The following EPHA6 variants were observed in gnomAD, a reference collection of about 807,000 sequenced individuals.
The protein encoded by EPHA6 is ephrin type-A receptor 6.
Under a neutral mutation model 112.0 loss-of-function variants are expected in EPHA6, and 50 were observed. That is an observed-to-expected ratio of 0.45 (90% CI 0.36 to 0.56). The LOEUF is 0.56. Among genes scored for constraint, EPHA6 ranks in the 20% least tolerant of loss-of-function variants. EPHA6 has a pLI of 0.00. For synonymous variants in EPHA6, 529 were observed against 490.7 expected, an observed-to-expected ratio of 1.08 and a Z score of -1.03; for missense variants, 1,280 against 1,417.4, an observed-to-expected ratio of 0.90 and a Z score of 1.56.
intron 2 of EPHA6, among the ~76,000 whole-genome samples, chr3:96,968,345 A>C (rs1466976341): frequency 6.6e-6 from 1 of 151,290 alleles, no homozygotes; most frequent in African/African-American, 2.4e-5. Flanking sequence ...GTAAACTTTA[A>C]ATTGGATTTA....
intron 5 of EPHA6, among the ~76,000 whole-genome samples, chr3:97,282,152 T>A (rs1373311426): frequency 4.6e-5 from 7 of 152,206 alleles, no homozygotes; most frequent in Non-Finnish European, 7.3e-5. Context: ...CCAGTTTTTT[T>A]ATCAAGCTTT....
chr3:97,684,631 C>T (rs2032112445), intron 14 of EPHA6, among the ~76,000 whole-genome samples: 4 of 152,130 alleles, frequency 2.6e-5, no homozygotes, highest in Admixed American at 2.6e-4. Context: ...AAACACCCAT[C>T]TGCCCTCCAT....
At chr3:96,904,030 A>G (rs1210823272) in intron 2 of EPHA6, among the ~76,000 whole-genome samples, 2 of 152,164 alleles carry the variant, frequency 1.3e-5, no homozygotes, top group Non-Finnish European at 2.9e-5. Context: ...TAGTTCAACC[A>G]TTGTGGAAGT....
intron 11 of EPHA6, 126 bp from the exon 12 acceptor site, chr3:97,592,486 C>T: frequency 8.7e-7 from 1 of 1,149,176 alleles, no homozygotes; most frequent in Middle Eastern, 2.9e-4. Flanking sequence ...CATTCCATCC[C>T]TTTAATTTTA....
intron 3 of EPHA6, among the ~76,000 whole-genome samples, chr3:97,022,917 T>C (rs9877851): frequency 0.16 from 25,023 of 152,012 alleles, 2,393 homozygotes; most frequent in Non-Finnish European, 0.22. Context: ...ACAGCAGCAT[T>C]ATTTACATCC....
intron 14 of EPHA6, among the ~76,000 whole-genome samples, chr3:97,692,966 G>T (rs1038435268): frequency 6.6e-6 from 1 of 152,140 alleles, no homozygotes; most frequent in Non-Finnish European, 1.5e-5. Context: ...AATATTATTA[G>T]CATTTCTTAG....
At chr3:97,155,582 G>T (rs973528257) in intron 3 of EPHA6, among the ~76,000 whole-genome samples, 6 of 152,118 alleles carry the variant, frequency 3.9e-5, no homozygotes, top group African/African-American at 1.4e-4. Context: ...TGACATCATT[G>T]TTCTGAGTTT....
intron 6 of EPHA6, among the ~76,000 whole-genome samples, chr3:97,441,144 T>C (rs2090117350): frequency 6.6e-6 from 1 of 151,822 alleles, no homozygotes; most frequent in Non-Finnish European, 1.5e-5. Context: ...CCAAATATCG[T>C]GAGATTGAAA....
rs1481760218 is a variant in EPHA6 at position 97,010,313 on chromosome 3, G to A, written c.1114+22320G>A. On this transcript the variant is annotated intron_variant, in intron 3 of 17. Coordinates refer to ENST00000389672, the MANE Select transcript of EPHA6 (RefSeq NM_001080448.3). ...ACCCCAACCCATTTTTATAAATAAA[G>A]TGTTTTGGAATACAGCCAAGTTATT... 9.9e-5 allele frequency among the ~76,000 whole-genome samples: 15 copies of A among 152,256 alleles called. No homozygotes were observed. The East Asian group carries it at 2.7e-3, about 27-fold the overall frequency.
At chr3:97,091,002 TGTATTTA>T (rs1446555757) in intron 3 of EPHA6, among the ~76,000 whole-genome samples, 2 of 152,082 alleles carry the variant, frequency 1.3e-5, no homozygotes, top group African/African-American at 4.8e-5. Context: ...ACATTTATAG[TGTATTTA>T]GCAGGTGCAG....
chr3:97,327,193 A>G (rs370949648), intron 5 of EPHA6, among the ~76,000 whole-genome samples: 3 of 152,054 alleles, frequency 2.0e-5, no homozygotes, highest in Non-Finnish European at 4.4e-5. Context: ...ATATAAAAGT[A>G]CTTTATAATG....
At chr3:97,196,429 T>C (rs1331402758) in intron 3 of EPHA6, among the ~76,000 whole-genome samples, 1 of 152,104 alleles carries the variant, frequency 6.6e-6, no homozygotes, top group Non-Finnish European at 1.5e-5. Flanking sequence ...AACAGCCATT[T>C]TGAATTGTCT....
At chr3:97,182,164 A>G (rs1026920618) in intron 3 of EPHA6, among the ~76,000 whole-genome samples, 4 of 151,888 alleles carry the variant, frequency 2.6e-5, no homozygotes, top group Admixed American at 2.0e-4. Flanking sequence ...TATTTTTCTC[A>G]TTCTGTCAGT....
chr3:97,144,127 G>T (rs1333147025), intron 3 of EPHA6, among the ~76,000 whole-genome samples: 3 of 151,620 alleles, frequency 2.0e-5, no homozygotes, highest in Non-Finnish European at 3.0e-5. Context: ...GGCTCTGTTT[G>T]TGAGGATCTT....
At chr3:97,174,759 A>G (rs902886424) in intron 3 of EPHA6, among the ~76,000 whole-genome samples, 8 of 151,706 alleles carry the variant, frequency 5.3e-5, no homozygotes, top group African/African-American at 1.9e-4. Context: ...TTTTTTTCCC[A>G]TAGAGTTGTT....
chr3:97,592,467 T>C (rs2107347668), intron 11 of EPHA6, 145 bp from the exon 12 acceptor site: 1 of 884,216 alleles, frequency 1.1e-6, no homozygotes, highest in East Asian at 2.7e-5. Context: ...ATTTATGGAG[T>C]AAAAAATGCA....
intron 5 of EPHA6, among the ~76,000 whole-genome samples, chr3:97,380,568 A>G (rs1480402161): frequency 6.6e-6 from 1 of 152,202 alleles, no homozygotes; most frequent in East Asian, 1.9e-4. Flanking sequence ...TTACGTGAAG[A>G]AAATGGAAAC....
intron 14 of EPHA6, among the ~76,000 whole-genome samples, chr3:97,656,705 A>G (rs1307870886): frequency 6.6e-6 from 1 of 151,956 alleles, no homozygotes; most frequent in Non-Finnish European, 1.5e-5. Context: ...CAGGAAAGCA[A>G]AAGAAAGCAC....
intron 3 of EPHA6, among the ~76,000 whole-genome samples, chr3:97,161,736 A>G (rs930203410): frequency 6.6e-6 from 1 of 152,084 alleles, no homozygotes; most frequent in Non-Finnish European, 1.5e-5. Context: ...TTTTTGTCAT[A>G]TTTATTTATC....
Sources: gnomAD v4.1 joint callset for allele counts (sites outside exome capture counted in the v4.1 genomes callset) on GRCh38, gnomAD v4.1.1 for gene constraint, MANE v1.5 for transcripts, NCBI Gene and HGNC (gene_info 2026-07-23, HGNC 2026-07-21) for gene names.